KCNH5: variants seen among roughly 807,000 people sequenced by gnomAD.
KCNH5 encodes the protein voltage-gated delayed rectifier potassium channel KCNH5.
A neutral mutation model predicts 96.1 loss-of-function variants in KCNH5; 46 were observed. The ratio of observed to expected loss-of-function variants is 0.48; its 90% CI spans 0.38 to 0.61. KCNH5 has a LOEUF of 0.61. Ranked by LOEUF, KCNH5 falls within the 20% of genes least tolerant of loss-of-function variation. The pLI is 0.00. For synonymous variants in KCNH5, 439 were observed against 449.8 expected (o/e 0.98, Z 0.30); for missense variants, 907 against 1,225.8 (o/e 0.74, Z 3.88).
intron 7 of KCNH5, among the ~76,000 whole-genome samples, chr14:62,886,291 G>A (rs890951058): frequency 7.2e-5 from 11 of 152,146 alleles, no homozygotes; most frequent in Non-Finnish European, 1.5e-4. Context: ...GAAGCAATTC[G>A]GCCAAAAACT....
intron 7 of KCNH5, among the ~76,000 whole-genome samples, chr14:62,907,409 T>G (rs1889050633): frequency 6.6e-6 from 1 of 152,226 alleles, no homozygotes; most frequent in South Asian, 2.1e-4. Context: ...ATGATTTGTC[T>G]TCACAGTGCC....
intron 8 of KCNH5, among the ~76,000 whole-genome samples, chr14:62,828,640 C>T (rs935905268): frequency 2.0e-5 from 3 of 152,102 alleles, no homozygotes; most frequent in African/African-American, 7.2e-5. Flanking sequence ...GAGGAAACTT[C>T]CCCCATGATC....
intron 10 of KCNH5, among the ~76,000 whole-genome samples, chr14:62,747,104 C>T (rs972347059): frequency 1.3e-5 from 2 of 152,194 alleles, no homozygotes; most frequent in African/African-American, 4.8e-5. Flanking sequence ...GAACCCGAGG[C>T]GGGTGGATCA....
At chr14:62,884,582 C>T (rs1487797215) in intron 7 of KCNH5, among the ~76,000 whole-genome samples, 7 of 151,986 alleles carry the variant, frequency 4.6e-5, no homozygotes, top group Admixed American at 2.6e-4. Flanking sequence ...GCTGAGATCG[C>T]GCCACTGCAC....
At chr14:63,042,742 T>A (rs1402582478) in intron 1 of KCNH5, among the ~76,000 whole-genome samples, 3 of 152,174 alleles carry the variant, frequency 2.0e-5, no homozygotes, top group African/African-American at 7.2e-5. Flanking sequence ...CATATAGAAA[T>A]GACAACTGCG....
chr14:62,712,822 C>T, intron 10 of KCNH5: 7 of 708,282 alleles, frequency 9.9e-6, no homozygotes, highest in Non-Finnish European at 1.3e-5. Flanking sequence ...ACTCTCCTTA[C>T]TCTCCAAAGC....
chr14:62,875,255 G>C (rs573092606), intron 7 of KCNH5, among the ~76,000 whole-genome samples: 2 of 151,300 alleles, frequency 1.3e-5, no homozygotes, highest in African/African-American at 4.9e-5. Context: ...TCGTGAAAAT[G>C]GCCATACTGC....
At chr14:62,941,134 G>A (rs1595693316) in intron 7 of KCNH5, among the ~76,000 whole-genome samples, 1 of 152,168 alleles carries the variant, frequency 6.6e-6, no homozygotes, top group Non-Finnish European at 1.5e-5. Flanking sequence ...CAGAACACCT[G>A]GCACAAGGCT....
chr14:62,941,208 C>T (rs1342043728), intron 7 of KCNH5, among the ~76,000 whole-genome samples: 1 of 152,200 alleles, frequency 6.6e-6, no homozygotes, highest in Non-Finnish European at 1.5e-5. Flanking sequence ...GTAAAACGTT[C>T]AGGCTAGTTA....
At chr14:62,919,442 T>C (rs569526102) in intron 7 of KCNH5, among the ~76,000 whole-genome samples, 33 of 152,258 alleles carry the variant, frequency 2.2e-4, no homozygotes, top group Non-Finnish European at 4.3e-4. Flanking sequence ...TAAAACGAAA[T>C]TGGAACATTG....
intron 1 of KCNH5, among the ~76,000 whole-genome samples, chr14:63,044,715 C>T (rs1262437929): frequency 6.6e-6 from 1 of 152,200 alleles, no homozygotes; most frequent in Non-Finnish European, 1.5e-5. Context: ...TTGAGGGAAA[C>T]CTTTCCACTG....
chr14:62,911,425 A>G (rs1403116747), intron 7 of KCNH5, among the ~76,000 whole-genome samples: 2 of 151,880 alleles, frequency 1.3e-5, no homozygotes, highest in Non-Finnish European at 2.9e-5. Flanking sequence ...AAAATTCAAC[A>G]TAATCTTAAT....
chr14:62,851,516 C>A (rs8020107), intron 7 of KCNH5, among the ~76,000 whole-genome samples: 46,128 of 81,650 alleles, frequency 0.56, 10,456 homozygotes, highest in African/African-American at 0.72. Flanking sequence ...AAAAAAAAAA[C>A]CTAAAGGTAA....
At chr14:62,811,129 T>G (rs138949217) in intron 8 of KCNH5, among the ~76,000 whole-genome samples, 4,851 of 152,256 alleles carry the variant, frequency 0.032, 149 homozygotes, top group South Asian at 0.083. Flanking sequence ...TCAAATTCTT[T>G]ATGATATTCA....
At chr14:62,712,135 C>T (rs574068161) in intron 10 of KCNH5, 2 of 154,362 alleles carry the variant, frequency 1.3e-5, no homozygotes, top group African/African-American at 4.8e-5. Flanking sequence ...GGAACTGACA[C>T]CTAACCGCAA....
At chr14:62,796,616 T>C (rs1204373789) in intron 9 of KCNH5, among the ~76,000 whole-genome samples, 7 of 152,216 alleles carry the variant, frequency 4.6e-5, no homozygotes, top group Non-Finnish European at 1.0e-4. Context: ...ATGGTAGTCA[T>C]GGCCCATGTG....
chr14:63,030,851 T>C lies in KCNH5; in HGVS notation c.74-13897A>G, dbSNP rs74534483. On this transcript the variant is annotated intron_variant, in intron 1 of 10. Transcript: ENST00000322893. ...ACTCCCTCAGAGGTGAATGTAAAAA[T>C]ACAGACATAGAGGTAAGTCTCATGC... 3.6e-3 allele frequency among the ~76,000 whole-genome samples: 543 copies of C among 152,234 alleles called. 4 individuals carry two copies. The highest frequency in any genetic ancestry group is 6.2e-3 in the Non-Finnish European group (421 of 68,012).
At chr14:62,752,046 T>TA (rs1219735177) in intron 10 of KCNH5, among the ~76,000 whole-genome samples, 1 of 152,198 alleles carries the variant, frequency 6.6e-6, no homozygotes, top group East Asian at 1.9e-4. Flanking sequence ...GGCTTTTGCA[T>TA]ACATTCCTTC....
intron 6 of KCNH5, among the ~76,000 whole-genome samples, chr14:62,967,650 T>C (rs776220511): frequency 5.3e-5 from 8 of 152,158 alleles, no homozygotes; most frequent in Non-Finnish European, 7.4e-5. Flanking sequence ...TTAAAAAGGC[T>C]AAATGAAGTA....
Sources: allele counts gnomAD v4.1 joint callset (sites outside exome capture counted in the v4.1 genomes callset), GRCh38; gene constraint gnomAD v4.1.1; transcripts MANE v1.5; gene names NCBI Gene and HGNC (gene_info 2026-07-23, HGNC 2026-07-21).